The following FAT1 variants were observed in gnomAD, a reference collection of about 807,000 sequenced individuals.
The protein encoded by FAT1 is protocadherin Fat 1.
In FAT1, 171 loss-of-function variants were observed where a neutral mutation model predicts 329.8. The ratio of observed to expected loss-of-function variants is 0.52; its 90% CI spans 0.46 to 0.59. The LOEUF (loss-of-function observed/expected upper bound fraction) is 0.59, where lower values mean the gene tolerates loss of function less well. FAT1 is among the 20% of genes least tolerant of loss of function. The pLI is 0.00. For synonymous variants in FAT1, 2,233 were observed against 2,228.6 expected (o/e 1.00, Z -0.06); for missense variants, 5,672 against 5,774.4 (o/e 0.98, Z 0.57).
intron 1 of FAT1, among the ~76,000 whole-genome samples, chr4:186,715,309 A>G (rs1005053987): frequency 6.6e-6 from 1 of 150,834 alleles, no homozygotes; most frequent in Admixed American, 6.6e-5. Flanking sequence ...TACCTTCCAC[A>G]TCCTACTCAG....
intron 2 of FAT1, 90 bp from the exon 3 acceptor site, chr4:186,663,703 G>T: frequency 1.0e-6 from 1 of 981,564 alleles, no homozygotes; most frequent in Non-Finnish European, 1.5e-6. Context: ...CTTACTGAGA[G>T]CTTTATATGT....
In FAT1 at chr4:186,596,786, G is replaced by A. The variant is rs759440990; in HGVS notation, c.12754C>T (p.Arg4252Trp). 9 of 1,613,834 alleles carry A rather than the reference G, an allele frequency of 5.6e-6. No homozygotes were observed. The highest frequency in any genetic ancestry group is 3.3e-5 in the Admixed American group (2 of 59,996). ...YSDIPPQVPV[R>W]PISYTPSIPS... ...ATACTCGGGGTGTAGGAAATAGGCC[G>A]GACAGGCACCTGGGGTGGTATGTCT... The change falls in exon 25 of 27, where the codon CGG becomes TGG. Residue 4252 changes from arginine to tryptophan, a missense_variant. Physicochemically the swap from Arg to Trp is moderately radical, Grantham distance 101 (BLOSUM62 -3). Coordinates refer to ENST00000441802, the MANE Select transcript of FAT1 (RefSeq NM_005245.4). The surrounding 1 kb of genome is among the most constrained non-coding windows in gnomAD (Gnocchi z 4.7).
At chr4:186,613,580 CT>C (rs1739567077) in intron 12 of FAT1, among the ~76,000 whole-genome samples, 1 of 152,172 alleles carries the variant, frequency 6.6e-6, no homozygotes, top group South Asian at 2.1e-4. Flanking sequence ...GGCCTCTCAC[CT>C]TGTGTATAAG....
intron 3 of FAT1, among the ~76,000 whole-genome samples, chr4:186,653,951 T>C (rs1458654706): frequency 6.6e-6 from 1 of 152,234 alleles, no homozygotes; most frequent in African/African-American, 2.4e-5. Flanking sequence ...ATTTTTGGTC[T>C]GATGGCACCA....
At chr4:186,706,259 T>C (rs779661426) in intron 2 of FAT1, among the ~76,000 whole-genome samples, 3 of 152,210 alleles carry the variant, frequency 2.0e-5, no homozygotes, top group African/African-American at 7.2e-5. Flanking sequence ...ATGCTTTTGA[T>C]AATAGAGTTC....
Position 186,604,476 on chromosome 4 carries a change from T to C in FAT1, c.10449A>G (p.Gly3483=), listed in dbSNP as rs1738997053. The C allele has an allele frequency of 2.5e-6, 4 of 1,613,922 alleles. No individual in the cohort carries two copies. The highest frequency in any genetic ancestry group is 3.4e-6 in the Non-Finnish European group (4 of 1,179,836). The part of the protein sequence containing the change: ...GPPFFFTIVT[G]NDEKAFEVNP... Reference sequence around the variant, plus strand: ...TAACTTCAAAAGCCTTCTCATCATTTCCAGTTACAATAGTAAAGAAGAAGG... The same window carrying C: ...TAACTTCAAAAGCCTTCTCATCATTCCCAGTTACAATAGTAAAGAAGAAGG... Residue 3483 remains glycine (G), a synonymous_variant, in exon 18 of 27, where the codon GGA becomes GGG. Coordinates refer to ENST00000441802, the MANE Select transcript of FAT1 (RefSeq NM_005245.4).
At chr4:186,629,259 G>T (rs776105439) in intron 7 of FAT1, among the ~76,000 whole-genome samples, 1 of 151,628 alleles carries the variant, frequency 6.6e-6, no homozygotes, top group Non-Finnish European at 1.5e-5. Flanking sequence ...TTTTTAATAC[G>T]TAAAAAGAAA....
At chr4:186,645,827 T>C (rs1417692084) in intron 3 of FAT1, among the ~76,000 whole-genome samples, 1 of 150,710 alleles carries the variant, frequency 6.6e-6, no homozygotes, top group East Asian at 2.0e-4. Flanking sequence ...GCACCTGTAA[T>C]CCCAGCTACT....
intron 26 of FAT1, chr4:186,590,816 CACTT>C: frequency 2.7e-6 from 1 of 367,954 alleles, no homozygotes; most frequent in Non-Finnish European, 5.3e-6. Flanking sequence ...ATAATGCACA[CACTT>C]TATAGCACAC....
intron 3 of FAT1, among the ~76,000 whole-genome samples, chr4:186,657,075 C>G (rs111414175): frequency 2.0e-5 from 3 of 152,052 alleles, no homozygotes; most frequent in Non-Finnish European, 4.4e-5. Context: ...TGAGGGGACA[C>G]CCACGATCGC....
chr4:186,641,619 A>T (rs972001135), intron 3 of FAT1, among the ~76,000 whole-genome samples: 2 of 152,164 alleles, frequency 1.3e-5, no homozygotes, highest in African/African-American at 4.8e-5. Flanking sequence ...GCACTGCGCA[A>T]ATACTTATGA....
intron 19 of FAT1, 40 bp downstream of exon 19, chr4:186,603,136 C>T (rs1738901310): frequency 6.2e-7 from 1 of 1,608,602 alleles, no homozygotes; most frequent in Non-Finnish European, 8.5e-7. Flanking sequence ...CCGTCTGAAA[C>T]CATCTGTGAC....
chr4:186,616,814 T>C (rs1241130773), intron 11 of FAT1, among the ~76,000 whole-genome samples, 191 bp downstream of exon 11: 1 of 152,218 alleles, frequency 6.6e-6, no homozygotes, highest in Admixed American at 6.5e-5. Flanking sequence ...AATGAGGCTT[T>C]TGATTTATTG....
chr4:186,618,153 A>G lies in FAT1; in HGVS notation c.8433T>C (p.Ser2811=), dbSNP rs1739812347. The G allele has an allele frequency of 6.2e-7, 1 of 1,613,918 alleles. No individual in the cohort carries two copies. The highest frequency in any genetic ancestry group is 1.1e-5 in the South Asian group (1 of 91,086). ...CAACAATGAATGCCTCATATGGACT[A>G]GATTCAAAGACCGGGCTGTTGTCAT... The part of the protein sequence containing the change: ...DANDNSPVFE[S]SPYEAFIVEN... The change falls in exon 10 of 27, where the codon TCT becomes TCC. Residue 2811 remains serine, a synonymous_variant. Transcript: ENST00000441802.
In FAT1 at chr4:186,598,965, A is replaced by G. The variant is rs369612591; in HGVS notation, c.12104-840T>C. ...GCTGGCGTGGCTGTGGGTTTTTCTC[A>G]GGATGAAGAACTGTGGTGCCCTGGG... On this transcript the variant is annotated intron_variant, in intron 22 of 26. Transcript: ENST00000441802. 450 of 152,396 alleles carry G rather than the reference A, an allele frequency of 3.0e-3. 1 individual carries two copies. The highest frequency in any genetic ancestry group is 0.014 in the Middle Eastern group (4 of 294). 9.4% of individuals were successfully genotyped at this position (152,396 alleles called of 1,614,324 possible). A position where few individuals can be genotyped will look rare whatever the true frequency, so the allele number is the denominator to read the frequency against.
upstream of FAT1, among the ~76,000 whole-genome samples, chr4:186,725,780 A>T (rs1411972023): frequency 6.6e-6 from 1 of 152,166 alleles, no homozygotes; most frequent in Non-Finnish European, 1.5e-5. This position sits in a 1 kb window ranked among gnomAD's most constrained non-coding sequence, Gnocchi z 5.4. Flanking sequence ...AGGCTCGTGG[A>T]AATTAGGGAG....
chr4:186,721,869 C>G (rs1157420243), intron 1 of FAT1, among the ~76,000 whole-genome samples: 1 of 152,068 alleles, frequency 6.6e-6, no homozygotes, highest in Non-Finnish European at 1.5e-5. Context: ...TTTTTCTTTT[C>G]TTTTTTTTCC....
rs1481272035 is a variant in FAT1 at position 186,635,968 on chromosome 4, T to G, written c.4183+57A>C. ...TGTGCCCAAAACTCATCAAACCGTATGCAGGTTCTCCTCAGTGTAACCCAT... is the reference window on the plus strand; with the variant it reads ...TGTGCCCAAAACTCATCAAACCGTAGGCAGGTTCTCCTCAGTGTAACCCAT... On this transcript the variant is annotated intron_variant, in intron 6 of 26. Coordinates refer to ENST00000441802, the MANE Select transcript of FAT1 (RefSeq NM_005245.4). 5.4e-6 allele frequency: 8 copies of G among 1,471,536 alleles called. No individual in the cohort carries two copies. In the East Asian group the frequency reaches 1.6e-4, roughly 29 times the overall value. The allele number at this position is 1,471,536 out of a possible 1,614,324, so 91.2% of individuals were successfully genotyped here. A position where few individuals can be genotyped will look rare whatever the true frequency, so the allele number is the denominator to read the frequency against.
intron 2 of FAT1, among the ~76,000 whole-genome samples, chr4:186,686,590 T>TTAA (rs1476321832): frequency 6.6e-6 from 1 of 152,346 alleles, no homozygotes; most frequent in East Asian, 1.9e-4. Context: ...TAAACTGGTT[T>TTAA]GCTTAGCGCT....
Sources: gnomAD v4.1 joint callset for allele counts (sites outside exome capture counted in the v4.1 genomes callset) on GRCh38, gnomAD v4.1.1 for gene constraint, Gnocchi (gnomAD v3.1) non-coding constraint, MANE v1.5 for transcripts, NCBI Gene and HGNC (gene_info 2026-07-23, HGNC 2026-07-21) for gene names.